FAF1: variants seen among roughly 807,000 people sequenced by gnomAD.
FAF1 encodes FAS-associated factor 1.
Under a neutral mutation model 92.5 loss-of-function variants are expected in FAF1, and 25 were observed. That is an observed-to-expected ratio of 0.27 (90% confidence interval 0.20 to 0.38). The LOEUF (loss-of-function observed/expected upper bound fraction) is 0.38, where lower values mean the gene tolerates loss of function less well. Ranked by LOEUF, FAF1 falls within the 10% of genes least tolerant of loss-of-function variation. The pLI is 1.00. For missense variants in FAF1, 636 were observed against 793.3 expected, an observed-to-expected ratio of 0.80 and a Z score of 2.38; for synonymous variants, 234 against 273.2, an observed-to-expected ratio of 0.86 and a Z score of 1.42.
At chr1:50,882,919 G>C (rs1644625857) in intron 1 of FAF1, among the ~76,000 whole-genome samples, 2 of 151,636 alleles carry the variant, frequency 1.3e-5, no homozygotes, top group Non-Finnish European at 2.9e-5. Flanking sequence ...ACGGGAGGCG[G>C]GTTGTAGTAA....
At chr1:50,893,858 T>C (rs1472058727) in intron 1 of FAF1, among the ~76,000 whole-genome samples, 2 of 152,152 alleles carry the variant, frequency 1.3e-5, no homozygotes, top group African/African-American at 2.4e-5. Flanking sequence ...CTTAGAAACC[T>C]ACCTGGTATT....
chr1:50,738,854 A>G lies in FAF1; in HGVS notation c.551+9T>C, dbSNP rs371307118. 1 of 1,567,434 alleles carries G rather than the reference A, an allele frequency of 6.4e-7. No individual in the cohort carries two copies. Among genetic ancestry groups the G allele is most frequent in the Non-Finnish European group, 8.7e-7 (1 of 1,144,322 alleles). On this transcript the variant is annotated intron_variant, in intron 6 of 18. Coordinates refer to ENST00000396153, the MANE Select transcript of FAF1 (RefSeq NM_007051.3). ...CATTTCATGTTCCCAGGAAATATAA[A>G]CAACTTACCCAGCATGACTAGATGA...
chr1:50,567,080 G>A lies in FAF1; in HGVS notation c.1265C>T (p.Ala422Val). The A allele has an allele frequency of 6.3e-7, 1 of 1,599,598 alleles. No individual in the cohort carries two copies. Among genetic ancestry groups the A allele is most frequent in the South Asian group, 1.1e-5 (1 of 88,890 alleles). Residue 422 changes from alanine to valine, a missense_variant, in exon 13 of 19, where the codon GCA becomes GTA. Coordinates refer to ENST00000396153, the MANE Select transcript of FAF1 (RefSeq NM_007051.3). Reference sequence around the variant, plus strand: ...AACTTGTGAACAACAGTATTACCTTGCTCTGTTGGAGTCCTTTGTCAGATC... The same window carrying A: ...AACTTGTGAACAACAGTATTACCTTACTCTGTTGGAGTCCTTTGTCAGATC... Reference protein sequence around the residue: ...AWDLTKDSNRARFLTMCNRHF... With the variant: ...AWDLTKDSNRVRFLTMCNRHF...
At chr1:50,617,174 A>G (rs1394720019) in intron 8 of FAF1, among the ~76,000 whole-genome samples, 1 of 152,140 alleles carries the variant, frequency 6.6e-6, no homozygotes, top group East Asian at 1.9e-4. Context: ...TTTCAGTACT[A>G]TGTTAAATAG....
chr1:50,820,509 G>A (rs1028612452), intron 2 of FAF1, among the ~76,000 whole-genome samples: 1 of 151,710 alleles, frequency 6.6e-6, no homozygotes, highest in Admixed American at 6.6e-5. Flanking sequence ...GTGTGACAAG[G>A]ACACTTAAGA....
intron 2 of FAF1, among the ~76,000 whole-genome samples, chr1:50,839,275 T>C (rs1166701855): frequency 6.6e-6 from 1 of 152,056 alleles, no homozygotes; most frequent in Non-Finnish European, 1.5e-5. Flanking sequence ...ATGCATTTGG[T>C]TGCATTAGTT....
At chr1:50,877,347 C>T (rs1314423020) in intron 1 of FAF1, among the ~76,000 whole-genome samples, 1 of 152,110 alleles carries the variant, frequency 6.6e-6, no homozygotes, top group Non-Finnish European at 1.5e-5. Flanking sequence ...GTACACTTTA[C>T]AAAATACTTG....
At chr1:50,573,817 CAA>C (rs199900774) in intron 12 of FAF1, among the ~76,000 whole-genome samples, 5,853 of 131,960 alleles carry the variant, frequency 0.044, 366 homozygotes, top group African/African-American at 0.14. Context: ...GGGTTAAAAA[CAA>C]AAAAAAAAAA....
intron 13 of FAF1, among the ~76,000 whole-genome samples, chr1:50,563,009 T>C (rs1649999456): frequency 6.6e-6 from 1 of 152,218 alleles, no homozygotes; most frequent in Non-Finnish European, 1.5e-5. Flanking sequence ...ACTTACATTG[T>C]ATTAGGTATT....
intron 13 of FAF1, among the ~76,000 whole-genome samples, chr1:50,542,110 C>G (rs1163867982): frequency 6.6e-6 from 1 of 152,130 alleles, no homozygotes; most frequent in Non-Finnish European, 1.5e-5. Flanking sequence ...AGGAATCACA[C>G]AACCAGCTGA....
At chr1:50,605,346 C>T (rs1652328850) in intron 8 of FAF1, among the ~76,000 whole-genome samples, 1 of 152,130 alleles carries the variant, frequency 6.6e-6, no homozygotes, top group Admixed American at 6.5e-5. Flanking sequence ...CATTAAAATA[C>T]TTCTGAAGAG....
At chr1:50,701,191 T>C (rs939506608) in intron 7 of FAF1, among the ~76,000 whole-genome samples, 1 of 152,092 alleles carries the variant, frequency 6.6e-6, no homozygotes, top group Non-Finnish European at 1.5e-5. Context: ...AATCAAACTA[T>C]AATATATGTT....
rs1659247560 is a variant in FAF1, at chr1:50,738,892, C to T, written c.522G>A (p.Leu174=). The change falls in exon 6 of 19, where the codon TTG becomes TTA. Residue 174 remains leucine (L), a synonymous_variant. Coordinates refer to ENST00000396153, the MANE Select transcript of FAF1 (RefSeq NM_007051.3). ...CATGACTAGATGATGAAGGTGGTGG[C>T]AAATCTGGTGTAAGGACATAAAGAC... The part of the protein sequence containing the change: ...NNSLYVLTPD[L]PPPSSSSHAG... The T allele has an allele frequency of 2.5e-6, 4 of 1,608,132 alleles. No individual in the cohort carries two copies. The highest frequency in any genetic ancestry group is 2.5e-6 in the Non-Finnish European group (3 of 1,176,600).
intron 2 of FAF1, among the ~76,000 whole-genome samples, chr1:50,836,952 T>C (rs34544653): frequency 6.3e-5 from 3 of 47,320 alleles, no homozygotes; most frequent in African/African-American, 1.6e-4. Context: ...GTTATGTTTC[T>C]TTTTTTTTTT....
intron 8 of FAF1, among the ~76,000 whole-genome samples, chr1:50,652,643 A>G (rs1294606953): frequency 1.3e-5 from 2 of 152,246 alleles, no homozygotes; most frequent in East Asian, 3.8e-4. Flanking sequence ...TTGAGAGAAC[A>G]GTATAATAAA....
At chr1:50,650,981 C>T (rs1239398389) in intron 8 of FAF1, among the ~76,000 whole-genome samples, 1 of 152,144 alleles carries the variant, frequency 6.6e-6, no homozygotes, top group Non-Finnish European at 1.5e-5. Flanking sequence ...TATTCGAGTA[C>T]AACCACAAGC....
At chr1:50,555,941 T>A (rs944308764) in intron 13 of FAF1, among the ~76,000 whole-genome samples, 4 of 151,936 alleles carry the variant, frequency 2.6e-5, no homozygotes, top group African/African-American at 7.3e-5. Context: ...TGTGTATATA[T>A]ACATGGTGTA....
chr1:50,487,576 A>G (rs951838169), intron 17 of FAF1, among the ~76,000 whole-genome samples: 1 of 152,196 alleles, frequency 6.6e-6, no homozygotes, highest in South Asian at 2.1e-4. Flanking sequence ...ATAGTCTTAC[A>G]GCCTTTCTCC....
At chr1:50,929,071 CA>C (rs59078269) in intron 1 of FAF1, among the ~76,000 whole-genome samples, 1,357 of 36,786 alleles carry the variant, frequency 0.037, 7 homozygotes, top group Middle Eastern at 0.12. Context: ...GACACTGTCT[CA>C]AAAAAAAAAA....
Sources: allele counts gnomAD v4.1 joint callset (sites outside exome capture counted in the v4.1 genomes callset), GRCh38; gene constraint gnomAD v4.1.1; transcripts MANE v1.5; gene names NCBI Gene and HGNC (gene_info 2026-07-23, HGNC 2026-07-21).